CHD1L: variants seen among roughly 807,000 people sequenced by gnomAD.
CHD1L encodes chromodomain helicase DNA binding protein 1 like, also known as ATP-dependent chromatin remodeler CHD1L.
Under a neutral mutation model 115.9 loss-of-function variants are expected in CHD1L, and 118 were observed. That is an observed-to-expected ratio of 1.02 (90% confidence interval 0.88 to 1.19). The LOEUF is 1.19. CHD1L is among the 50% of genes most tolerant of loss of function. The pLI, the probability that CHD1L is intolerant of heterozygous loss-of-function variation, is 0.00. For synonymous variants in CHD1L, 411 were observed against 387.1 expected (o/e 1.06, Z -0.72); for missense variants, 1,179 against 1,065.3 (o/e 1.11, Z -1.49).
intron 1 of CHD1L, among the ~76,000 whole-genome samples, chr1:147,252,012 T>C (rs1210526563): frequency 6.6e-6 from 1 of 152,234 alleles, no homozygotes; most frequent in Non-Finnish European, 1.5e-5. Flanking sequence ...TCCCAAGATA[T>C]GGCTATTCTT....
At chr1:147,259,497 A>T (rs587661207) in intron 5 of CHD1L, 35 of 167,934 alleles carry the variant, frequency 2.1e-4, no homozygotes, top group South Asian at 8.8e-4. Flanking sequence ...TGCTTGCTAT[A>T]CTCTTTTAGA....
At chr1:147,279,528 C>T (rs1334572872) in intron 14 of CHD1L, among the ~76,000 whole-genome samples, 4 of 151,922 alleles carry the variant, frequency 2.6e-5, no homozygotes, top group Admixed American at 6.6e-5. Context: ...AAGGTGGTTT[C>T]GATAGACCAC....
At chr1:147,255,359 C>G (rs1553939337) in intron 3 of CHD1L, among the ~76,000 whole-genome samples, 4 of 152,150 alleles carry the variant, frequency 2.6e-5, no homozygotes, top group Admixed American at 2.0e-4. Context: ...TCCCAAGTAG[C>G]TGAGATTACA....
chr1:147,201,303 T>C, the CHD1L span: 1 of 1,614,200 alleles, frequency 6.2e-7, no homozygotes, highest in South Asian at 1.1e-5. Flanking sequence ...TTTTGACCAC[T>C]TTGACGGAAT....
At chr1:147,245,847 A>G (rs1450379861) in intron 1 of CHD1L, among the ~76,000 whole-genome samples, 2 of 152,038 alleles carry the variant, frequency 1.3e-5, no homozygotes, top group Non-Finnish European at 2.9e-5. Flanking sequence ...TTAAGAAATA[A>G]TACGGAAGGA....
rs1553960758 is a variant in CHD1L at position 147,280,075 on chromosome 1, G to T, written c.1589G>T (p.Gly530Val). The T allele has an allele frequency of 2.5e-6, 4 of 1,613,934 alleles. No homozygotes were observed. The Admixed American group carries it at 5.0e-5, about 20-fold the overall frequency. ...FGLDKLLASEGSTMDEIDLES... is the reference protein window; with the variant it reads ...FGLDKLLASEVSTMDEIDLES... ...TTGGATAAACTGCTGGCCTCTGAGG[G>T]GAGCACCATGGATGAAATAGACCTG... Residue 530 changes from glycine to valine, a missense_variant, in exon 15 of 23, where the codon GGG (glycine) becomes GTG (valine). By Grantham distance (109) the Gly-to-Val change is moderately radical (BLOSUM62 -3). Coordinates refer to ENST00000369258, the MANE Select transcript of CHD1L (RefSeq NM_004284.6).
At chr1:147,274,336 AT>A (rs1571970982) in intron 12 of CHD1L, among the ~76,000 whole-genome samples, 2 of 152,220 alleles carry the variant, frequency 1.3e-5, no homozygotes, top group African/African-American at 4.8e-5. Context: ...ATTATTAGGT[AT>A]AATTTAGCAT....
the CHD1L span, among the ~76,000 whole-genome samples, chr1:147,180,449 G>A: frequency 0.037 from 5,612 of 152,140 alleles, 148 homozygotes; most frequent in South Asian, 0.095. Context: ...GTGCCACCAC[G>A]CCTAGTCAAT....
intron 13 of CHD1L, 39 bp downstream of exon 13, chr1:147,275,507 G>A: frequency 6.7e-7 from 1 of 1,498,772 alleles, no homozygotes; most frequent in Non-Finnish European, 9.3e-7. Context: ...TTGCCCAGCA[G>A]CAGTTCTGGG....
chr1:147,280,194 A>G lies in CHD1L; in HGVS notation c.1705+3A>G, dbSNP rs368740583. On this transcript the variant is annotated splice_donor_region_variant and intron_variant, in intron 15 of 22. Transcript: ENST00000369258. ...GAGCAGAGATCAAGAGGAAGGAAGT[A>G]AGTTGGAGGTTAGAGCAGAGCAAAT... The G allele has an allele frequency of 1.1e-5, 17 of 1,585,204 alleles. No individual in the cohort carries two copies. The highest frequency in any genetic ancestry group is 1.8e-4 in the Middle Eastern group (1 of 5,688).
chr1:147,205,718 C>G, the CHD1L span, among the ~76,000 whole-genome samples: 11 of 152,184 alleles, frequency 7.2e-5, no homozygotes, highest in South Asian at 2.1e-4. Flanking sequence ...GCCATATGTA[C>G]AAAGCTGAAA....
chr1:147,266,076 T>C lies in CHD1L; in HGVS notation c.884T>C (p.Met295Thr). The change falls in exon 8 of 23, where the codon ATG (methionine) becomes ACG (threonine). Residue 295 changes from methionine (M) to threonine (T), a missense_variant. Coordinates refer to ENST00000369258, the MANE Select transcript of CHD1L (RefSeq NM_004284.6). ...AAGAAATACTACAAGGCCATTTTGATGAAAGACCTAGGTAATCAGAGGGCA... is the reference window on the plus strand; with the variant it reads ...AAGAAATACTACAAGGCCATTTTGACGAAAGACCTAGGTAATCAGAGGGCA... ...LQKKYYKAIL[M>T]KDLDAFENET... 1 of 1,610,786 alleles carries C rather than the reference T, an allele frequency of 6.2e-7. No individual in the cohort carries two copies. Among genetic ancestry groups the C allele is most frequent in the Non-Finnish European group, 8.5e-7 (1 of 1,178,846 alleles).
the CHD1L span, among the ~76,000 whole-genome samples, chr1:147,197,867 G>T: frequency 1.3e-5 from 2 of 152,144 alleles, no homozygotes; most frequent in Non-Finnish European, 2.9e-5. Flanking sequence ...CTAGCAGAAG[G>T]CCTGGTACAT....
Position 147,268,181 on chromosome 1 carries a change from CT to C in CHD1L, c.989-600del, listed in dbSNP as rs587659667. On this transcript the variant is annotated intron_variant, in intron 9 of 22. Coordinates refer to ENST00000369258, the MANE Select transcript of CHD1L (RefSeq NM_004284.6). ...CATACAGACCTCAGTAAATTTTCCCCTGGGCACCGCTTTAGCTGCATCCTAG... is the reference window on the plus strand; with the variant it reads ...CATACAGACCTCAGTAAATTTTCCCCGGGCACCGCTTTAGCTGCATCCTAG... 3.3e-3 allele frequency among the ~76,000 whole-genome samples: 501 copies of C among 152,252 alleles called. 3 individuals carry two copies. The highest frequency in any genetic ancestry group is 0.019 in the South Asian group (90 of 4,816).
chr1:147,209,773 A>G, the CHD1L span: 1 of 152,264 alleles, frequency 6.6e-6, no homozygotes, highest in Non-Finnish European at 1.5e-5. Context: ...TTTCTCTAGC[A>G]CTTATCACCT....
chr1:147,193,870 G>A, the CHD1L span, among the ~76,000 whole-genome samples: 1 of 152,144 alleles, frequency 6.6e-6, no homozygotes, highest in Admixed American at 6.5e-5. Flanking sequence ...TGGTCTGAGA[G>A]ACAGTTTGTT....
chr1:147,182,343 A>G, the CHD1L span, among the ~76,000 whole-genome samples: 2 of 152,320 alleles, frequency 1.3e-5, no homozygotes, highest in Admixed American at 1.3e-4. Flanking sequence ...TATAATGGCT[A>G]TAGCTACAGT....
the CHD1L span, among the ~76,000 whole-genome samples, chr1:147,202,872 T>C: frequency 1.3e-5 from 2 of 152,156 alleles, no homozygotes; most frequent in African/African-American, 4.8e-5. Context: ...GTTATATATC[T>C]GGTCACCAAG....
At chr1:147,256,428 CTT>C (rs1670167866) in intron 4 of CHD1L, 101 bp from the exon 5 acceptor site, 2 of 1,017,252 alleles carry the variant, frequency 2.0e-6, no homozygotes, top group African/African-American at 1.6e-5. Flanking sequence ...ACAAATGAGA[CTT>C]AGATAAATCC....
Sources: allele counts gnomAD v4.1 joint callset (sites outside exome capture counted in the v4.1 genomes callset), GRCh38; gene constraint gnomAD v4.1.1; transcripts MANE v1.5; gene names NCBI Gene and HGNC (gene_info 2026-07-23, HGNC 2026-07-21).